Variants in PCDHGA4 observed in about 807,000 individuals in gnomAD.
PCDHGA4 encodes protocadherin gamma subfamily A, 4.
PCDHGA4 carries 38 observed loss-of-function variants against 54.6 expected under a neutral mutation model. The observed-to-expected ratio is 0.70, with a 90% CI of 0.54 to 0.91. The LOEUF (loss-of-function observed/expected upper bound fraction) is 0.91, where lower values mean the gene tolerates loss of function less well. Ranked by LOEUF, PCDHGA4 falls within the 40% of genes least tolerant of loss-of-function variation. The pLI is 0.00. For synonymous variants in PCDHGA4, 511 were observed against 512.9 expected, an observed-to-expected ratio of 1.00 and a Z score of 0.05; for missense variants, 1,298 against 1,220.9, an observed-to-expected ratio of 1.06 and a Z score of -0.94.
At position 141,360,454 on chromosome 5, in the gene PCDHGA4, G is replaced by A. The variant is rs150944400; in HGVS notation, c.2514+2833G>A. On this transcript the variant is annotated intron_variant, in intron 1 of 3. Coordinates refer to ENST00000571252, the MANE Select transcript of PCDHGA4 (RefSeq NM_018917.4). ...GCAGCCTCTGTGTGTTCTGGATTTCGATACTGTCGCTGAAAATCCACTAAA... is the reference window on the plus strand; with the variant it reads ...GCAGCCTCTGTGTGTTCTGGATTTCAATACTGTCGCTGAAAATCCACTAAA... The A allele has an allele frequency of 5.0e-4, 804 of 1,613,904 alleles. 3 individuals carry two copies. The African/African-American group carries it at 8.7e-3, about 18-fold the overall frequency.
In PCDHGA4 at chr5:141,487,102, G is replaced by C; in HGVS notation, c.2515-7705G>C. The C allele has an allele frequency of 6.2e-7, 1 of 1,613,900 alleles. No homozygotes were observed. Among genetic ancestry groups the C allele is most frequent in the Non-Finnish European group, 8.5e-7 (1 of 1,179,818 alleles). ...CAGCTGACCTCCCACCACAGAAGCTGGTCATTGTGGTAAAGGATAGTGGTA... is the reference window on the plus strand; with the variant it reads ...CAGCTGACCTCCCACCACAGAAGCTCGTCATTGTGGTAAAGGATAGTGGTA... On this transcript the variant is annotated intron_variant, in intron 1 of 3. Transcript: ENST00000571252. This position sits in a 1 kb window ranked among gnomAD's most constrained non-coding sequence, Gnocchi z 5.0.
At chr5:141,488,797 T>G (rs1451050520) in intron 1 of PCDHGA4, among the ~76,000 whole-genome samples, 6 of 152,158 alleles carry the variant, frequency 3.9e-5, no homozygotes, top group Non-Finnish European at 8.8e-5. Context: ...TCTTCCCTGT[T>G]GAGTACCATC....
rs749415234 is a variant in PCDHGA4, at chr5:141,419,462, C to A, written c.2514+61841C>A. On this transcript the variant is annotated intron_variant, in intron 1 of 3. Transcript: ENST00000571252. Reference sequence around the variant, plus strand: ...CACCTTCGAGCTCACGCTGCAGGCCCGCGACCAGGGCTCGCCCGCGCTCAG... The same window carrying A: ...CACCTTCGAGCTCACGCTGCAGGCCAGCGACCAGGGCTCGCCCGCGCTCAG... 2.5e-6 allele frequency: 4 copies of A among 1,612,582 alleles called. No homozygotes were observed. In the Admixed American group the frequency reaches 6.7e-5, roughly 27 times the overall value.
chr5:141,374,179 C>G, intron 1 of PCDHGA4: 1 of 1,613,664 alleles, frequency 6.2e-7, no homozygotes, highest in East Asian at 2.2e-5. Flanking sequence ...CGCAGATCCG[C>G]TACTCTATTC....
At position 141,491,672 on chromosome 5, in the gene PCDHGA4, G is replaced by A. The variant is rs754836157; in HGVS notation, c.2515-3135G>A. The A allele has an allele frequency of 9.9e-6, 16 of 1,613,494 alleles. No homozygotes were observed. The South Asian group carries it at 1.4e-4, about 14-fold the overall frequency. On this transcript the variant is annotated intron_variant, in intron 1 of 3. Transcript: ENST00000571252. This position sits in a 1 kb window ranked among gnomAD's most constrained non-coding sequence, Gnocchi z 6.9. ...CTGGAGCCTGACGCCATCCGGTCCCGCTCTAATACGCTGCGGGAGCGGAGC... is the reference window on the plus strand; with the variant it reads ...CTGGAGCCTGACGCCATCCGGTCCCACTCTAATACGCTGCGGGAGCGGAGC...
At chr5:141,423,567 C>T (rs771827702) in intron 1 of PCDHGA4, 4 of 1,613,602 alleles carry the variant, frequency 2.5e-6, no homozygotes, top group Admixed American at 1.7e-5. Flanking sequence ...GGGACACGCT[C>T]ATCAGCCAGG....
At chr5:141,408,632 G>C (rs2154540395) in intron 1 of PCDHGA4, 3 of 1,613,952 alleles carry the variant, frequency 1.9e-6, no homozygotes, top group Non-Finnish European at 1.7e-6. Flanking sequence ...AGAAATTTTC[G>C]AATCTGCATC....
intron 3 of PCDHGA4, 61 bp downstream of exon 3, chr5:141,505,542 A>C: frequency 2.6e-5 from 42 of 1,604,950 alleles, no homozygotes; most frequent in Non-Finnish European, 3.2e-5. Flanking sequence ...GGTGCATCTC[A>C]CAGCCACCAT....
intron 1 of PCDHGA4, chr5:141,404,077 C>T: frequency 6.2e-7 from 1 of 1,613,742 alleles, no homozygotes; most frequent in East Asian, 2.2e-5. Flanking sequence ...ATGACCGAGA[C>T]TCCGGGAAGA....
intron 1 of PCDHGA4, chr5:141,383,437 C>T (rs965503415): frequency 6.3e-5 from 101 of 1,613,860 alleles, no homozygotes; most frequent in Non-Finnish European, 8.4e-5. Flanking sequence ...CCACTTCTCC[C>T]TGGCTGTGCA....
chr5:141,438,625 TATATATATATACACAC>T (rs1232816129), intron 1 of PCDHGA4, among the ~76,000 whole-genome samples: 1,472 of 46,190 alleles, frequency 0.032, 16 homozygotes, highest in African/African-American at 0.13. Context: ...TATATATATA[TATATATATATACACAC>T]ACACACACAC....
At chr5:141,470,037 G>C (rs76537989) in intron 1 of PCDHGA4, among the ~76,000 whole-genome samples, 14 of 152,138 alleles carry the variant, frequency 9.2e-5, no homozygotes, top group Non-Finnish European at 1.5e-4. Flanking sequence ...GCTGAGGCGC[G>C]AGAACTGTTT....
intron 1 of PCDHGA4, among the ~76,000 whole-genome samples, chr5:141,445,264 G>A (rs566395616): frequency 1.4e-4 from 22 of 152,276 alleles, no homozygotes; most frequent in Admixed American, 1.4e-3. Flanking sequence ...AATATAAGTC[G>A]AAACCACTCT....
At chr5:141,417,667 C>A (rs545100460) in intron 1 of PCDHGA4, 5 of 918,744 alleles carry the variant, frequency 5.4e-6, no homozygotes, top group South Asian at 3.8e-5. Flanking sequence ...GGATTCCCTG[C>A]GCAGCCAACA....
chr5:141,436,185 A>G (rs1324749623), intron 1 of PCDHGA4, among the ~76,000 whole-genome samples: 1 of 152,142 alleles, frequency 6.6e-6, no homozygotes, highest in Non-Finnish European at 1.5e-5. Flanking sequence ...ATATAGTCAA[A>G]TAGAAAGAAA....
intron 1 of PCDHGA4, among the ~76,000 whole-genome samples, chr5:141,481,743 G>C (rs1257734207): frequency 1.3e-5 from 2 of 152,096 alleles, no homozygotes; most frequent in Non-Finnish European, 2.9e-5. Context: ...CACGAGGTCA[G>C]GAGTCCAAGA....
Position 141,511,995 on chromosome 5 carries a change from A to G in PCDHGA4, c.*822A>G, listed in dbSNP as rs1049905198. The G allele has an allele frequency of 1.3e-5, 2 of 153,074 alleles. No homozygotes were observed. The highest frequency in any genetic ancestry group is 4.8e-5 in the African/African-American group (2 of 41,464). The allele number at this position is 153,074 out of a possible 1,614,324, so 9.5% of individuals were successfully genotyped here. On this transcript the variant is annotated 3_prime_UTR_variant, in exon 4 of 4. Transcript: ENST00000571252. The stretch of plus-strand genomic sequence containing the variant: ...GGATGTGGATGGTGGGGGCATGGAC[A>G]AAGCTTGACACATCAAGTTATCAAG...
intron 1 of PCDHGA4, chr5:141,370,522 G>A: frequency 6.2e-7 from 1 of 1,613,884 alleles, no homozygotes; most frequent in Non-Finnish European, 8.5e-7. Context: ...GAGCTGGACA[G>A]GGGCTCGCTG....
At chr5:141,387,608 G>C (rs562428819) in intron 1 of PCDHGA4, 221 of 551,402 alleles carry the variant, frequency 4.0e-4, no homozygotes, top group Non-Finnish European at 6.6e-4. Context: ...AGAGGCTGTA[G>C]TTTCCTAGTG....
Sources: allele counts gnomAD v4.1 joint callset (sites outside exome capture counted in the v4.1 genomes callset), GRCh38; gene constraint gnomAD v4.1.1; non-coding constraint Gnocchi (gnomAD v3.1); transcripts MANE v1.5; gene names NCBI Gene and HGNC (gene_info 2026-07-23, HGNC 2026-07-21).